The following NUP188 variants were observed in gnomAD, a reference collection of about 807,000 sequenced individuals.
NUP188 encodes the protein nucleoporin NUP188.
Under a neutral mutation model 223.0 loss-of-function variants are expected in NUP188, and 97 were observed. The observed-to-expected ratio is 0.43, with a 90% CI of 0.37 to 0.51. The LOEUF (loss-of-function observed/expected upper bound fraction) is 0.51, where lower values mean the gene tolerates loss of function less well. NUP188 is among the 20% of genes least tolerant of loss of function. The pLI is 0.00. For missense variants in NUP188, 1,947 were observed against 2,175.6 expected (o/e 0.89, Z 2.09); for synonymous variants, 869 against 828.0 (o/e 1.05, Z -0.85).
At chr9:128,959,432 A>G (rs996714986) in intron 8 of NUP188, among the ~76,000 whole-genome samples, 1 of 151,578 alleles carries the variant, frequency 6.6e-6, no homozygotes, top group African/African-American at 2.4e-5. Context: ...GTGAGCGACT[A>G]CACCTGGCCT....
intron 30 of NUP188, among the ~76,000 whole-genome samples, chr9:128,995,819 G>C (rs1842515201): frequency 6.6e-6 from 1 of 152,186 alleles, no homozygotes; most frequent in African/African-American, 2.4e-5. Flanking sequence ...TGCCTCTTGT[G>C]CAAAGGCATA....
rs755921663 is a variant in NUP188 at position 128,957,019 on chromosome 9, G to A, written c.314G>A (p.Arg105Gln). 12 of 1,610,232 alleles carry A rather than the reference G, an allele frequency of 7.5e-6. No homozygotes were observed. Among genetic ancestry groups the A allele is most frequent in the South Asian group, 1.1e-5 (1 of 90,712 alleles). ...CTGCAAGAGGACTACAGGGGTACTC[G>A]GGACTCAGTAAAGGTTTGTGGTTTA... ...CYLQEDYRGT[R>Q]DSVKTVLQDE... Residue 105 changes from arginine to glutamine, a missense_variant, in exon 5 of 44, where the codon CGG becomes CAG. Around this residue, in one of 3 missense-constraint regions of NUP188, gnomAD observed 817 missense variants for 865.8 expected, o/e 0.94. Transcript: ENST00000372577.
chr9:128,952,460 C>T lies in NUP188; in HGVS notation c.88-313C>T, dbSNP rs544966521. 3.3e-5 allele frequency among the ~76,000 whole-genome samples: 5 copies of T among 151,202 alleles called. 1 individual carries two copies. In the South Asian group the frequency reaches 8.3e-4, roughly 25 times the overall value. ...ATTTGCGGTCGGGTGCCTTGGCTCACGCCTGTAATCCCAGCACTTTGGGAG... is the reference window on the plus strand; with the variant it reads ...ATTTGCGGTCGGGTGCCTTGGCTCATGCCTGTAATCCCAGCACTTTGGGAG... On this transcript the variant is annotated intron_variant, in intron 2 of 43. Coordinates refer to ENST00000372577, the MANE Select transcript of NUP188 (RefSeq NM_015354.3).
intron 9 of NUP188, among the ~76,000 whole-genome samples, chr9:128,968,977 A>G (rs543156171): frequency 2.0e-5 from 3 of 152,324 alleles, no homozygotes; most frequent in East Asian, 1.9e-4. Context: ...TCGTTGAACA[A>G]CTATTGTAGG....
At chr9:128,985,036 A>G in intron 20 of NUP188, 22 bp downstream of exon 20, 1 of 1,545,714 alleles carries the variant, frequency 6.5e-7, no homozygotes, top group African/African-American at 1.4e-5. Context: ...TTTTGTTCAC[A>G]AAGGGCAGAA....
At chr9:128,952,256 T>C (rs1841799755) in intron 2 of NUP188, among the ~76,000 whole-genome samples, 1 of 151,906 alleles carries the variant, frequency 6.6e-6, no homozygotes, top group Non-Finnish European at 1.5e-5. Flanking sequence ...AAAAACTGAC[T>C]GGCATGGTGG....
At chr9:128,975,231 T>G (rs1423255674) in intron 12 of NUP188, among the ~76,000 whole-genome samples, 1 of 148,248 alleles carries the variant, frequency 6.7e-6, no homozygotes, top group Non-Finnish European at 1.5e-5. Context: ...TTTTCCTTTT[T>G]TTTTTTTTTT....
intron 34 of NUP188, 43 bp downstream of exon 34, chr9:128,999,848 C>T (rs776762427): frequency 1.9e-5 from 30 of 1,580,714 alleles, no homozygotes; most frequent in East Asian, 2.2e-5. Context: ...TTCCACTGCC[C>T]GCCAGCTCTG....
intron 12 of NUP188, among the ~76,000 whole-genome samples, chr9:128,974,717 A>G (rs1842149392): frequency 6.6e-6 from 1 of 151,988 alleles, no homozygotes; most frequent in Non-Finnish European, 1.5e-5. Context: ...AGACATTTCA[A>G]CAAAACTTAA....
intron 38 of NUP188, chr9:129,004,799 G>A (rs1053970532): frequency 1.8e-5 from 5 of 273,562 alleles, no homozygotes; most frequent in Admixed American, 4.8e-5. Context: ...CACCGCACCC[G>A]GCCTCATCTT....
At chr9:128,989,778 G>A (rs571715227) in intron 24 of NUP188, among the ~76,000 whole-genome samples, 1 of 152,316 alleles carries the variant, frequency 6.6e-6, no homozygotes, top group East Asian at 1.9e-4. Context: ...GGTGCAGTGA[G>A]TCGAGATCGT....
intron 1 of NUP188, 105 bp from the exon 2 acceptor site, chr9:128,949,084 A>G (rs1212846359): frequency 6.8e-6 from 5 of 737,616 alleles, no homozygotes; most frequent in East Asian, 2.6e-5. Flanking sequence ...CGTTTTGTAT[A>G]TTGAGATTTT....
At chr9:128,987,963 T>C (rs1842362284) in intron 23 of NUP188, 84 bp from the exon 24 acceptor site, 2 of 1,468,336 alleles carry the variant, frequency 1.4e-6, no homozygotes, top group East Asian at 2.3e-5. Flanking sequence ...GGGATTATTG[T>C]TGGAATCTAA....
chr9:128,967,549 G>A (rs1026510420), intron 8 of NUP188, among the ~76,000 whole-genome samples: 14 of 152,080 alleles, frequency 9.2e-5, no homozygotes, highest in Admixed American at 9.2e-4. Flanking sequence ...CCAGCACTCG[G>A]GAGGCCAAGG....
At position 128,993,660 on chromosome 9, in the gene NUP188, C is replaced by T. The variant is rs1003233120; in HGVS notation, c.2983C>T (p.Arg995Trp). The change falls in exon 27 of 44, where the codon CGG (arginine) becomes TGG (tryptophan). Residue 995 changes from arginine (R) to tryptophan (W), a missense_variant. Arg to Trp is a moderately radical substitution (Grantham distance 101). This residue lies in a region of NUP188 where 905 missense variants were observed against 990.6 expected (regional missense o/e 0.91). Coordinates refer to ENST00000372577, the MANE Select transcript of NUP188 (RefSeq NM_015354.3). ...IAFLHALWQD[R>W]RDSAMLVLRT... Reference sequence around the variant, plus strand: ...CTTTTTGCATGCTCTGTGGCAGGATCGGAGGGACAGTGCCATGCTGGTCCT... The same window carrying T: ...CTTTTTGCATGCTCTGTGGCAGGATTGGAGGGACAGTGCCATGCTGGTCCT... 3.1e-6 allele frequency: 5 copies of T among 1,614,154 alleles called. No homozygotes were observed. The highest frequency in any genetic ancestry group is 8.5e-7 in the Non-Finnish European group (1 of 1,180,030).
chr9:128,976,736 A>T (rs1021803353), intron 12 of NUP188, among the ~76,000 whole-genome samples: 7 of 151,476 alleles, frequency 4.6e-5, no homozygotes, highest in Admixed American at 3.3e-4. Context: ...GTACTTTGGG[A>T]GAATTCTGGT....
chr9:128,953,832 G>C (rs1197825891), intron 3 of NUP188, among the ~76,000 whole-genome samples: 1 of 151,148 alleles, frequency 6.6e-6, no homozygotes, highest in Non-Finnish European at 1.5e-5. Context: ...TCCAGTGTCT[G>C]TTCTTTTTTT....
intron 8 of NUP188, among the ~76,000 whole-genome samples, chr9:128,965,075 C>T (rs1309335768): frequency 6.6e-6 from 1 of 152,074 alleles, no homozygotes; most frequent in Non-Finnish European, 1.5e-5. Context: ...TGGAGCTTGT[C>T]CTTAAATGTT....
intron 19 of NUP188, 35 bp downstream of exon 19, chr9:128,983,585 C>G: frequency 7.3e-7 from 1 of 1,371,444 alleles, no homozygotes; most frequent in Non-Finnish European, 1.0e-6. Context: ...GCCATATTCC[C>G]TAGTGAGAAC....
Sources: allele counts gnomAD v4.1 joint callset (sites outside exome capture counted in the v4.1 genomes callset), GRCh38; gene constraint gnomAD v4.1.1; regional missense constraint gnomAD v4.1.1; transcripts MANE v1.5; gene names NCBI Gene and HGNC (gene_info 2026-07-23, HGNC 2026-07-21).